Variants in F8 observed in about 807,000 individuals in gnomAD.
F8 encodes antihemophilic factor.
In F8, 12 loss-of-function variants were observed where a neutral mutation model predicts 140.6. That is an observed-to-expected ratio of 0.09 (90% CI 0.05 to 0.14). The LOEUF (loss-of-function observed/expected upper bound fraction) is 0.14, where lower values mean the gene tolerates loss of function less well. F8 is among the 10% of genes least tolerant of loss of function. F8 has a pLI of 1.00. For synonymous variants in F8, 585 were observed against 614.6 expected (o/e 0.95, Z 0.71); for missense variants, 1,354 against 1,720.7 (o/e 0.79, Z 3.77).
chrX:154,972,039 C>T (rs1469754452), intron 6 of F8, among the ~76,000 whole-genome samples: 1 of 111,917 alleles, frequency 8.9e-6, no homozygotes, highest in Non-Finnish European at 1.9e-5. Flanking sequence ...TTGGTATATA[C>T]CCAGTAGTGG....
At chrX:154,986,121 C>T (rs1557284198) in intron 5 of F8, among the ~76,000 whole-genome samples, 1 of 111,449 alleles carries the variant, frequency 9.0e-6, no homozygotes, top group Non-Finnish European at 1.9e-5. Flanking sequence ...AAGAGGGAGA[C>T]AGATTTTTCC....
At chrX:154,888,380 A>ATTTTTTTTTTT (rs782710109) in intron 22 of F8, among the ~76,000 whole-genome samples, 27 of 22,192 alleles carry the variant, frequency 1.2e-3, no homozygotes, top group Non-Finnish European at 1.4e-3. Context: ...TGTAATAGGG[A>ATTTTTTTTTTT]TTTTTTTTTT....
Position 154,930,176 on chromosome X carries a change from T to C in F8, c.3614A>G (p.Asn1205Ser). ...LTNLDNLHEN[N>S]THNQEKKIQE... The stretch of plus-strand genomic sequence containing the variant: ...AATTTTTTTTTCTTGATTGTGTGTA[T>C]TATTTTCATGTAAATTATCCAAGTT... The change falls in exon 14 of 26, where the codon AAT (asparagine) becomes AGT (serine). Residue 1205 changes from asparagine to serine, a missense_variant. Transcript: ENST00000360256. 2 of 1,205,916 alleles carry C rather than the reference T, an allele frequency of 1.7e-6. No individual in the cohort carries two copies. The highest frequency in any genetic ancestry group is 2.2e-6 in the Non-Finnish European group (2 of 893,667).
intron 1 of F8, among the ~76,000 whole-genome samples, chrX:155,000,368 C>T (rs2073640081): frequency 8.9e-6 from 1 of 112,134 alleles, no homozygotes; most frequent in South Asian, 3.7e-4. Context: ...GTGACTATCT[C>T]CACTCACTAG....
At chrX:154,928,361 G>T (rs781991168) in intron 14 of F8, among the ~76,000 whole-genome samples, 1 of 111,919 alleles carries the variant, frequency 8.9e-6, no homozygotes, top group South Asian at 3.7e-4. Flanking sequence ...AAGGTTGATA[G>T]GTGAGGTTGA....
intron 25 of F8, among the ~76,000 whole-genome samples, chrX:154,857,449 T>A (rs1230911764): frequency 8.9e-6 from 1 of 111,817 alleles, no homozygotes; most frequent in Non-Finnish European, 1.9e-5. Flanking sequence ...CATTGGGAGT[T>A]CCCTATGATC....
Position 154,993,105 on chromosome X carries a change from A to G in F8, c.432T>C (p.Asp144=). 1 of 1,211,838 alleles carries G rather than the reference A, an allele frequency of 8.3e-7. No homozygotes were observed. ...DDQTSQREKE[D]DKVFPGGSHT... Reference sequence around the variant, plus strand: ...GGCTTCCACCAGGGAAGACTTTATCATCTTCTTTCTCCCTTTGACTGGTCT... The same window carrying G: ...GGCTTCCACCAGGGAAGACTTTATCGTCTTCTTTCTCCCTTTGACTGGTCT... Residue 144 remains aspartate, a synonymous_variant, in exon 4 of 26, where the codon GAT becomes GAC. Transcript: ENST00000360256.
rs782758718 is a variant in F8, at chrX:154,944,734, G to A, written c.2113+2964C>T. On this transcript the variant is annotated intron_variant, in intron 13 of 25. Coordinates refer to ENST00000360256, the MANE Select transcript of F8 (RefSeq NM_000132.4). ...ACACATGCACACGTATGTTTATAGC[G>A]GCAGTATTCACAATAGCAAAGACTT... Among the ~76,000 whole-genome samples, 8 of 111,335 alleles carry A rather than the reference G, an allele frequency of 7.2e-5. No homozygotes were observed. The South Asian group carries it at 1.9e-3, about 26-fold the overall frequency.
chrX:154,900,635 C>T (rs1557275868), intron 20 of F8, among the ~76,000 whole-genome samples: 2 of 112,216 alleles, frequency 1.8e-5, no homozygotes, highest in African/African-American at 6.5e-5. Context: ...ACCCTTCCAC[C>T]TAGTGAAAAA....
intron 22 of F8, among the ~76,000 whole-genome samples, chrX:154,864,068 C>T (rs1037188081): frequency 8.9e-6 from 1 of 112,196 alleles, no homozygotes; most frequent in Admixed American, 9.4e-5. Flanking sequence ...GGAAGCAGGC[C>T]CACCAACTAG....
At chrX:154,953,797 T>A in intron 12 of F8, 95 bp downstream of exon 12, 1 of 1,000,763 alleles carries the variant, frequency 1.0e-6, no homozygotes, top group Non-Finnish European at 1.4e-6. Flanking sequence ...TAAATTTATG[T>A]GCACATACAA....
intron 10 of F8, among the ~76,000 whole-genome samples, chrX:154,959,315 G>T (rs1308786137): frequency 9.0e-6 from 1 of 111,382 alleles, no homozygotes; most frequent in Non-Finnish European, 1.9e-5. Flanking sequence ...GAGCCTGGGA[G>T]GCAGAGGTTG....
intron 6 of F8, among the ~76,000 whole-genome samples, chrX:154,979,209 T>A (rs1209390236): frequency 9.0e-6 from 1 of 111,596 alleles, no homozygotes; most frequent in Non-Finnish European, 1.9e-5. Flanking sequence ...TGTGCTGGCG[T>A]TGGTTGTGGC....
At chrX:154,865,584 G>A (rs1465813119) in intron 22 of F8, among the ~76,000 whole-genome samples, 1 of 109,675 alleles carries the variant, frequency 9.1e-6, no homozygotes, top group East Asian at 2.8e-4. Context: ...TTGTGGCGGG[G>A]GGAATGAGTA....
chrX:154,903,212 G>A (rs2073018890), intron 18 of F8, among the ~76,000 whole-genome samples: 2 of 109,971 alleles, frequency 1.8e-5, no homozygotes, highest in Non-Finnish European at 3.8e-5. Context: ...GTCTTGCTCT[G>A]TTGTCCAAGT....
intron 2 of F8, among the ~76,000 whole-genome samples, chrX:154,998,908 G>A (rs1557285336): frequency 9.0e-6 from 1 of 111,592 alleles, no homozygotes; most frequent in Non-Finnish European, 1.9e-5. Flanking sequence ...ACCTTGTCCA[G>A]TCTTCTAAGT....
intron 25 of F8, among the ~76,000 whole-genome samples, chrX:154,844,454 C>T (rs1237570391): frequency 9.9e-5 from 11 of 110,886 alleles, no homozygotes; most frequent in Admixed American, 2.9e-4. Context: ...GTTTGTATCC[C>T]CTTTTATTTC....
intron 12 of F8, 86 bp from the exon 13 acceptor site, chrX:154,947,993 A>G (rs782026563): frequency 8.2e-5 from 57 of 695,897 alleles, no homozygotes; most frequent in Non-Finnish European, 1.3e-4. Context: ...ATTAGGAATT[A>G]TTATATGTTA....
At chrX:154,859,304 CT>C (rs782710528) in intron 25 of F8, among the ~76,000 whole-genome samples, 154 of 95,495 alleles carry the variant, frequency 1.6e-3, no homozygotes, top group Non-Finnish European at 1.4e-3. Context: ...AGCGTATTTT[CT>C]TTTTTTTTTT....
Sources: allele counts gnomAD v4.1 joint callset (sites outside exome capture counted in the v4.1 genomes callset), GRCh38; gene constraint gnomAD v4.1.1; transcripts MANE v1.5; gene names NCBI Gene and HGNC (gene_info 2026-07-23, HGNC 2026-07-21).